BRIP1: variants seen among roughly 807,000 people sequenced by gnomAD.
The protein encoded by BRIP1 is BRCA1 interacting DNA helicase 1.
Under a neutral mutation model 119.7 loss-of-function variants are expected in BRIP1, and 88 were observed. That is an observed-to-expected ratio of 0.74 (90% CI 0.62 to 0.88). The LOEUF (loss-of-function observed/expected upper bound fraction) is 0.88. Ranked by LOEUF, BRIP1 falls within the 40% of genes least tolerant of loss-of-function variation. BRIP1 has a pLI of 0.00. For synonymous variants in BRIP1, 443 were observed against 496.5 expected (o/e 0.89, Z 1.43); for missense variants, 1,259 against 1,455.4 (o/e 0.87, Z 2.20).
At chr17:61,838,523 G>A (rs1007614623) in intron 6 of BRIP1, among the ~76,000 whole-genome samples, 12 of 149,934 alleles carry the variant, frequency 8.0e-5, no homozygotes, top group Non-Finnish European at 1.6e-4. Flanking sequence ...CAGCCTGGGC[G>A]ACAGAGCGAG....
At position 61,739,428 on chromosome 17, in the gene BRIP1, A is replaced by G. The variant is rs929003714; in HGVS notation, c.2379+3585T>C. On this transcript the variant is annotated intron_variant, in intron 16 of 19. Coordinates refer to ENST00000259008, the MANE Select transcript of BRIP1 (RefSeq NM_032043.3). This position sits in a 1 kb window ranked among gnomAD's most constrained non-coding sequence, Gnocchi z 6.0. Reference sequence around the variant, plus strand: ...CTGGTTAACTGGAGAAAGGTAGTAGAAACCACCAAAGTTACTGGAGGCTGA... The same window carrying G: ...CTGGTTAACTGGAGAAAGGTAGTAGGAACCACCAAAGTTACTGGAGGCTGA... 5 of 184,494 alleles carry G rather than the reference A, an allele frequency of 2.7e-5. No homozygotes were observed. The highest frequency in any genetic ancestry group is 1.2e-4 in the African/African-American group (5 of 42,588). 11.4% of individuals were successfully genotyped at this position (184,494 alleles called of 1,614,324 possible).
chr17:61,714,992 G>A (rs2061838285), intron 17 of BRIP1, among the ~76,000 whole-genome samples: 3 of 151,730 alleles, frequency 2.0e-5, no homozygotes. Flanking sequence ...TTGAGGCCAG[G>A]AGTTCCAGAC....
In BRIP1 at chr17:61,762,577, A is replaced by G. The variant is rs1166262062; in HGVS notation, c.2097+13824T>C. Among the ~76,000 whole-genome samples, 1 of 152,188 alleles carries G rather than the reference A, an allele frequency of 6.6e-6. No individual in the cohort carries two copies. Among genetic ancestry groups the G allele is most frequent in the Admixed American group, 6.6e-5 (1 of 15,266 alleles). On this transcript the variant is annotated intron_variant, in intron 14 of 19. Transcript: ENST00000259008. The surrounding 1 kb of genome is among the most constrained non-coding windows in gnomAD (Gnocchi z 4.3). ...AAATGGGCAAGGGATTTGAATAGAC[A>G]TTTCTAAAAGAAGACAACAAATGAC...
rs1200763785 is a variant in BRIP1, at chr17:61,860,093, T to C, written c.94-186A>G. 6.6e-6 allele frequency among the ~76,000 whole-genome samples: 1 copy of C among 152,154 alleles called. No individual in the cohort carries two copies. Among genetic ancestry groups the C allele is most frequent in the Non-Finnish European group, 1.5e-5 (1 of 68,030 alleles). On this transcript the variant is annotated intron_variant, in intron 2 of 19. Transcript: ENST00000259008. The surrounding 1 kb of genome is among the most constrained non-coding windows in gnomAD (Gnocchi z 4.1). ...TCCTTTACACCTCTCCCTAAGATTA[T>C]CTTACTAAAATATCAAGCACAAGAG...
chr17:61,835,034 AG>A (rs1343120333), intron 6 of BRIP1, among the ~76,000 whole-genome samples: 3 of 152,250 alleles, frequency 2.0e-5, no homozygotes, highest in Non-Finnish European at 4.4e-5. Context: ...GCAGAATATC[AG>A]GGGTTGATAT....
Position 61,798,642 on chromosome 17 carries a change from T to C in BRIP1, c.1340+458A>G, listed in dbSNP as rs1308765390. The stretch of plus-strand genomic sequence containing the variant: ...ACTTAATGTCTAATAAAAGAAAAAT[T>C]AGTGTAAATTGTCATAAAGCTAGTA... On this transcript the variant is annotated intron_variant, in intron 9 of 19. Transcript: ENST00000259008. This position sits in a 1 kb window ranked among gnomAD's most constrained non-coding sequence, Gnocchi z 5.5. Among the ~76,000 whole-genome samples, 1 of 151,938 alleles carries C rather than the reference T, an allele frequency of 6.6e-6. No individual in the cohort carries two copies. Among genetic ancestry groups the C allele is most frequent in the Non-Finnish European group, 1.5e-5 (1 of 67,916 alleles).
chr17:61,755,646 C>T lies in BRIP1; in HGVS notation c.2098-11055G>A, dbSNP rs2144796523. ...AGATGAGGGGGAAAGAAGGGTATGA[C>T]TAAAAGACATGAGCAAACAGACTAG... On this transcript the variant is annotated intron_variant, in intron 14 of 19. Transcript: ENST00000259008. The surrounding 1 kb of genome is among the most constrained non-coding windows in gnomAD (Gnocchi z 4.5). Among the ~76,000 whole-genome samples, 1 of 152,220 alleles carries T rather than the reference C, an allele frequency of 6.6e-6. No individual in the cohort carries two copies. Among genetic ancestry groups the T allele is most frequent in the South Asian group, 2.1e-4 (1 of 4,822 alleles).
intron 3 of BRIP1, 119 bp downstream of exon 3, chr17:61,859,677 A>G (rs752932345): frequency 8.5e-6 from 6 of 710,034 alleles, no homozygotes; most frequent in Non-Finnish European, 1.5e-5. Flanking sequence ...TCAAAGAAAC[A>G]TCTTTAAACA....
chr17:61,753,104 AG>A lies in BRIP1; in HGVS notation c.2098-8514del, dbSNP rs1159365068. ...GTGGGACTAGTGGCTTTATACAAAA[AG>A]GAATAGAGACTCGAGCTTGTATACT... On this transcript the variant is annotated intron_variant, in intron 14 of 19. Transcript: ENST00000259008. This position sits in a 1 kb window ranked among gnomAD's most constrained non-coding sequence, Gnocchi z 4.6. Among the ~76,000 whole-genome samples the A allele has an allele frequency of 1.3e-5, 2 of 152,124 alleles. No individual in the cohort carries two copies. Among genetic ancestry groups the A allele is most frequent in the Non-Finnish European group, 1.5e-5 (1 of 68,024 alleles).
In BRIP1 at chr17:61,730,225, C is replaced by T. The variant is rs1181955084; in HGVS notation, c.2379+12788G>A. On this transcript the variant is annotated intron_variant, in intron 16 of 19. Transcript: ENST00000259008. The surrounding 1 kb of genome is among the most constrained non-coding windows in gnomAD (Gnocchi z 4.3). Reference sequence around the variant, plus strand: ...AAACATGGAACAGCAATATCTACTACAGTTTATGTTATTTGAGACCTTAAA... The same window carrying T: ...AAACATGGAACAGCAATATCTACTATAGTTTATGTTATTTGAGACCTTAAA... Among the ~76,000 whole-genome samples the T allele has an allele frequency of 1.3e-5, 2 of 152,042 alleles. No homozygotes were observed. The highest frequency in any genetic ancestry group is 4.8e-5 in the African/African-American group (2 of 41,386).
chr17:61,833,907 G>T (rs2078531035), intron 6 of BRIP1, among the ~76,000 whole-genome samples: 1 of 152,038 alleles, frequency 6.6e-6, no homozygotes, highest in Non-Finnish European at 1.5e-5. Flanking sequence ...AGAAAGAAAA[G>T]AAAAATACAT....
rs549742924 is a variant in BRIP1, at chr17:61,846,627, T to A, written c.627+474A>T. 4.7e-4 allele frequency among the ~76,000 whole-genome samples: 71 copies of A among 152,288 alleles called. No individual in the cohort carries two copies. Among genetic ancestry groups the A allele is most frequent in the South Asian group, 3.3e-3 (16 of 4,826 alleles). On this transcript the variant is annotated intron_variant, in intron 6 of 19. Coordinates refer to ENST00000259008, the MANE Select transcript of BRIP1 (RefSeq NM_032043.3). The surrounding 1 kb of genome is among the most constrained non-coding windows in gnomAD (Gnocchi z 4.3). The stretch of plus-strand genomic sequence containing the variant: ...GTTTCAAACTCGTGAACTCAAGTGA[T>A]CCACCCGCCTTGGCCTCCCAAAGTG...
rs2061579031 is a variant in BRIP1, at chr17:61,699,484, T to C, written c.2493-5972A>G. Reference sequence around the variant, plus strand: ...GTGGTTGAAGAGTATAATAAACATATCAACCAGTAATAAACTAGTCAGGAA... The same window carrying C: ...GTGGTTGAAGAGTATAATAAACATACCAACCAGTAATAAACTAGTCAGGAA... On this transcript the variant is annotated intron_variant, in intron 17 of 19. Coordinates refer to ENST00000259008, the MANE Select transcript of BRIP1 (RefSeq NM_032043.3). This position sits in a 1 kb window ranked among gnomAD's most constrained non-coding sequence, Gnocchi z 4.8. Among the ~76,000 whole-genome samples, 1 of 152,206 alleles carries C rather than the reference T, an allele frequency of 6.6e-6. No individual in the cohort carries two copies. Among genetic ancestry groups the C allele is most frequent in the African/African-American group, 2.4e-5 (1 of 41,458 alleles).
chr17:61,802,902 C>G lies in BRIP1; in HGVS notation c.919-1428G>C, dbSNP rs2078017078. ...ATTGCTTTGCATTACCCTTTTCCCA[C>G]ATCCTTATCAACACTGGTGTTATCT... On this transcript the variant is annotated intron_variant, in intron 7 of 19. Coordinates refer to ENST00000259008, the MANE Select transcript of BRIP1 (RefSeq NM_032043.3). The surrounding 1 kb of genome is among the most constrained non-coding windows in gnomAD (Gnocchi z 6.0). 6.6e-6 allele frequency among the ~76,000 whole-genome samples: 1 copy of G among 152,222 alleles called. No homozygotes were observed. Among genetic ancestry groups the G allele is most frequent in the African/African-American group, 2.4e-5 (1 of 41,466 alleles).
chr17:61,806,942 C>T lies in BRIP1; in HGVS notation c.918+1525G>A, dbSNP rs967334704. Among the ~76,000 whole-genome samples the T allele has an allele frequency of 2.0e-5, 3 of 152,238 alleles. No individual in the cohort carries two copies. Among genetic ancestry groups the T allele is most frequent in the African/African-American group, 7.2e-5 (3 of 41,458 alleles). On this transcript the variant is annotated intron_variant, in intron 7 of 19. Transcript: ENST00000259008. This position sits in a 1 kb window ranked among gnomAD's most constrained non-coding sequence, Gnocchi z 4.9. Reference sequence around the variant, plus strand: ...CGAACTCCTGACCTCAAGTGCCCGCCTCTGCCTCCCAAAGTGCTGGGATTA... The same window carrying T: ...CGAACTCCTGACCTCAAGTGCCCGCTTCTGCCTCCCAAAGTGCTGGGATTA...
chr17:61,858,830 A>G (rs1348069652), intron 3 of BRIP1, among the ~76,000 whole-genome samples: 2 of 152,308 alleles, frequency 1.3e-5, no homozygotes, highest in South Asian at 2.1e-4. Context: ...ATCCAATATT[A>G]TATTTCTGAT....
chr17:61,841,005 A>G lies in BRIP1; in HGVS notation c.627+6096T>C, dbSNP rs995954630. Among the ~76,000 whole-genome samples the G allele has an allele frequency of 6.6e-6, 1 of 152,202 alleles. No homozygotes were observed. Among genetic ancestry groups the G allele is most frequent in the African/African-American group, 2.4e-5 (1 of 41,458 alleles). ...CTCTTCAATAAATGGTGCTGAGAAC[A>G]CTGGATGTCCATATGCAAAAGGAAA... On this transcript the variant is annotated intron_variant, in intron 6 of 19. Transcript: ENST00000259008. The surrounding 1 kb of genome is among the most constrained non-coding windows in gnomAD (Gnocchi z 4.1).
intron 17 of BRIP1, among the ~76,000 whole-genome samples, chr17:61,702,246 AGTTGTTGTT>A (rs145898869): frequency 0.033 from 5,052 of 151,916 alleles, 321 homozygotes; most frequent in African/African-American, 0.12. Flanking sequence ...ATTGATCTAT[AGTTGTTGTT>A]GTTGTTGTTG....
chr17:61,788,107 G>A (rs1338677389), intron 10 of BRIP1, among the ~76,000 whole-genome samples: 1 of 151,790 alleles, frequency 6.6e-6, no homozygotes, highest in Admixed American at 6.6e-5. Flanking sequence ...ATAATCTGTG[G>A]GCAAACCTGT....
Sources: gnomAD v4.1 joint callset for allele counts (sites outside exome capture counted in the v4.1 genomes callset) on GRCh38, gnomAD v4.1.1 for gene constraint, Gnocchi (gnomAD v3.1) non-coding constraint, MANE v1.5 for transcripts, NCBI Gene and HGNC (gene_info 2026-07-23, HGNC 2026-07-21) for gene names.